The following ADARB2 variants were observed in gnomAD, a reference collection of about 807,000 sequenced individuals.
ADARB2 encodes the protein inactive double-stranded RNA-specific editase B2.
In ADARB2, 25 loss-of-function variants were observed where a neutral mutation model predicts 62.2. The ratio of observed to expected loss-of-function variants is 0.40; its 90% CI spans 0.29 to 0.56. The LOEUF (loss-of-function observed/expected upper bound fraction) is 0.56, where lower values mean the gene tolerates loss of function less well. Ranked by LOEUF, ADARB2 falls within the 20% of genes least tolerant of loss-of-function variation. The pLI is 0.43. For synonymous variants in ADARB2, 572 were observed against 500.8 expected, an observed-to-expected ratio of 1.14 and a Z score of -1.90; for missense variants, 1,071 against 1,077.4, an observed-to-expected ratio of 0.99 and a Z score of 0.08.
rs11817219 is a variant in ADARB2, at chr10:1,593,195, C to A, written c.100+143856G>T. Among the ~76,000 whole-genome samples the A allele has an allele frequency of 5.4e-3, 689 of 127,324 alleles. 31 individuals are homozygous for A. The highest frequency in any genetic ancestry group is 0.02 in the African/African-American group (638 of 32,050). The allele number at this position is 127,324 out of a possible 152,430, so 83.5% of individuals were successfully genotyped here. ...CTCTGGCATGGTCCCCTCTGTCACC[C>A]AGCTCCCTTCGCCCAAGCCACCCTC... On this transcript the variant is annotated intron_variant, in intron 1 of 9. Transcript: ENST00000381312.
At chr10:1,238,585 T>TC (rs1202121050) in intron 5 of ADARB2, among the ~76,000 whole-genome samples, 1 of 4,720 alleles carries the variant, frequency 2.1e-4, no homozygotes, top group Non-Finnish European at 3.8e-4. Flanking sequence ...CGGTGTTCAC[T>TC]CCCCTCTGCC....
At chr10:1,558,776 C>T (rs1832748026) in intron 1 of ADARB2, among the ~76,000 whole-genome samples, 1 of 152,130 alleles carries the variant, frequency 6.6e-6, no homozygotes, top group African/African-American at 2.4e-5. Context: ...CGTGGGTGCT[C>T]AGCCCCCGCA....
chr10:1,671,085 C>T (rs1834378128), intron 1 of ADARB2, among the ~76,000 whole-genome samples: 1 of 152,256 alleles, frequency 6.6e-6, no homozygotes. Context: ...ATCTCCGTGC[C>T]GCGCATGCAC....
chr10:1,186,314 C>G (rs1003842760), intron 8 of ADARB2, among the ~76,000 whole-genome samples: 2 of 152,212 alleles, frequency 1.3e-5, no homozygotes, highest in African/African-American at 4.8e-5. Flanking sequence ...GAGGCACGTG[C>G]TGTTTGGCCC....
At chr10:1,690,802 A>C (rs564617105) in intron 1 of ADARB2, among the ~76,000 whole-genome samples, 4 of 152,144 alleles carry the variant, frequency 2.6e-5, no homozygotes, top group African/African-American at 4.8e-5. Context: ...CTGCATGCAC[A>C]CTGTCATTCG....
chr10:1,352,080 T>C (rs2131844644), intron 3 of ADARB2, among the ~76,000 whole-genome samples: 1 of 152,086 alleles, frequency 6.6e-6, no homozygotes, highest in African/African-American at 2.4e-5. Flanking sequence ...GCAAATTACC[T>C]GGGCTGTACT....
At chr10:1,510,124 C>CTTTCTTTCTTG (rs1564312556) in intron 1 of ADARB2, among the ~76,000 whole-genome samples, 1 of 117,600 alleles carries the variant, frequency 8.5e-6, no homozygotes, top group African/African-American at 3.6e-5. Context: ...TTCTTTCTTT[C>CTTTCTTTCTTG]TTTCTTTCTT....
chr10:1,668,916 G>A (rs373412059), intron 1 of ADARB2, among the ~76,000 whole-genome samples: 1 of 152,206 alleles, frequency 6.6e-6, no homozygotes, highest in Non-Finnish European at 1.5e-5. Flanking sequence ...TATTATGTGT[G>A]ACAGAGCCTG....
At chr10:1,620,872 C>T (rs1833696454) in intron 1 of ADARB2, among the ~76,000 whole-genome samples, 1 of 152,206 alleles carries the variant, frequency 6.6e-6, no homozygotes, top group African/African-American at 2.4e-5. Context: ...CTGATTATCA[C>T]AATACATGCA....
chr10:1,439,523 C>T (rs377363163), intron 1 of ADARB2, among the ~76,000 whole-genome samples: 16 of 91,386 alleles, frequency 1.8e-4, no homozygotes, highest in East Asian at 6.6e-4. Flanking sequence ...AGGCCCTTCA[C>T]GATGGGGCTC....
At chr10:1,412,904 AG>A (rs1832771315) in intron 1 of ADARB2, among the ~76,000 whole-genome samples, 1 of 152,232 alleles carries the variant, frequency 6.6e-6, no homozygotes, top group Admixed American at 6.5e-5. Context: ...ACTTTAACGT[AG>A]GTTCCTTTTC....
chr10:1,471,534 G>A (rs1459588338), intron 1 of ADARB2, among the ~76,000 whole-genome samples: 3 of 152,178 alleles, frequency 2.0e-5, no homozygotes, highest in African/African-American at 7.2e-5. Flanking sequence ...GGGATTACAG[G>A]CATACGCCAC....
intron 1 of ADARB2, among the ~76,000 whole-genome samples, chr10:1,599,512 T>C (rs1039705878): frequency 6.6e-6 from 1 of 152,130 alleles, no homozygotes; most frequent in South Asian, 2.1e-4. Flanking sequence ...ATTGGAAATA[T>C]GGGTTTGGGG....
intron 6 of ADARB2, among the ~76,000 whole-genome samples, 157 bp downstream of exon 6, chr10:1,233,537 A>G (rs1830829501): frequency 6.6e-6 from 1 of 152,112 alleles, no homozygotes; most frequent in African/African-American, 2.4e-5. Flanking sequence ...TTTTGGAGGC[A>G]TGGTTATCCC....
Position 1,697,540 on chromosome 10 carries a change from C to A in ADARB2, c.100+39511G>T, listed in dbSNP as rs554080091. Reference sequence around the variant, plus strand: ...GAGAAAGTGAGAAAAGATTCATCTACACAGATCAGCAAAACTCCAAAAGAA... The same window carrying A: ...GAGAAAGTGAGAAAAGATTCATCTAAACAGATCAGCAAAACTCCAAAAGAA... On this transcript the variant is annotated intron_variant, in intron 1 of 9. Transcript: ENST00000381312. Among the ~76,000 whole-genome samples the A allele has an allele frequency of 5.3e-5, 8 of 152,322 alleles. No individual in the cohort carries two copies. In the South Asian group the frequency reaches 1.7e-3, roughly 32 times the overall value.
chr10:1,465,083 C>T (rs894190424), intron 1 of ADARB2, among the ~76,000 whole-genome samples: 4 of 152,180 alleles, frequency 2.6e-5, no homozygotes, highest in South Asian at 2.1e-4. Context: ...AAGGAGCTGC[C>T]GACAGTGAAA....
At chr10:1,241,295 T>C (rs919732863) in intron 5 of ADARB2, among the ~76,000 whole-genome samples, 1 of 152,128 alleles carries the variant, frequency 6.6e-6, no homozygotes, top group Non-Finnish European at 1.5e-5. Context: ...TAAGGTGTTG[T>C]TTTCAGCAGC....
chr10:1,587,233 A>T (rs4408245), intron 1 of ADARB2, among the ~76,000 whole-genome samples: 2 of 152,220 alleles, frequency 1.3e-5, no homozygotes, highest in African/African-American at 2.4e-5. Context: ...AAACAAAACA[A>T]AAAGAACAAT....
At chr10:1,406,311 A>T (rs1181398398) in intron 1 of ADARB2, among the ~76,000 whole-genome samples, 1 of 152,106 alleles carries the variant, frequency 6.6e-6, no homozygotes, top group African/African-American at 2.4e-5. Flanking sequence ...GACACACCTC[A>T]CTCTCAGGAC....
Sources: allele counts gnomAD v4.1 joint callset (sites outside exome capture counted in the v4.1 genomes callset), GRCh38; gene constraint gnomAD v4.1.1; transcripts MANE v1.5; gene names NCBI Gene and HGNC (gene_info 2026-07-23, HGNC 2026-07-21).